Variants in LCMT1 observed in about 807,000 individuals in gnomAD.
LCMT1 encodes leucine carboxyl methyltransferase 1, also known as [Phosphatase 2A protein]-leucine-carboxy methyltransferase 1.
In LCMT1, 32 loss-of-function variants were observed where a neutral mutation model predicts 47.7. The ratio of observed to expected loss-of-function variants is 0.67; its 90% CI spans 0.51 to 0.90. The LOEUF (loss-of-function observed/expected upper bound fraction) is 0.90. LCMT1 is among the 40% of genes least tolerant of loss of function. The probability of loss-of-function intolerance (pLI) is 0.00; values close to 1 mark genes in which losing one functional copy is unlikely to be tolerated. For synonymous variants in LCMT1, 152 were observed against 149.7 expected (o/e 1.02, Z -0.11); for missense variants, 375 against 415.2 (o/e 0.90, Z 0.84).
At chr16:25,171,271 G>A (rs929836845) in intron 9 of LCMT1, among the ~76,000 whole-genome samples, 23 of 151,756 alleles carry the variant, frequency 1.5e-4, no homozygotes, top group African/African-American at 4.1e-4. Context: ...AAAATTAGCC[G>A]GGTGTGGTGG....
intron 5 of LCMT1, chr16:25,158,901 T>C (rs1471258505): frequency 6.6e-6 from 1 of 152,222 alleles, no homozygotes; most frequent in Non-Finnish European, 1.5e-5. Flanking sequence ...TGTCCAGTGC[T>C]TCCCATGTGG....
At chr16:25,160,897 G>A (rs1457280809) in intron 5 of LCMT1, 1 of 637,982 alleles carries the variant, frequency 1.6e-6, no homozygotes, top group Non-Finnish European at 2.9e-6. Context: ...TAAGCACATA[G>A]GACAAAAGGC....
chr16:25,158,271 C>T (rs1411159519), intron 5 of LCMT1, among the ~76,000 whole-genome samples: 1 of 152,234 alleles, frequency 6.6e-6, no homozygotes, highest in Non-Finnish European at 1.5e-5. Context: ...CATGCCTCAG[C>T]CTCTCAAGTA....
intron 1 of LCMT1, 40 bp from the exon 2 acceptor site, chr16:25,128,435 T>C: frequency 6.8e-7 from 1 of 1,474,064 alleles, no homozygotes; most frequent in Non-Finnish European, 9.3e-7. Context: ...CTGAACCTAC[T>C]CAATCTCTAC....
intron 3 of LCMT1, among the ~76,000 whole-genome samples, chr16:25,135,856 C>G (rs555664953): frequency 2.6e-5 from 4 of 151,908 alleles, no homozygotes; most frequent in Non-Finnish European, 2.9e-5. Context: ...TTTGGGATGC[C>G]GAGGTGGTTG....
intron 1 of LCMT1, among the ~76,000 whole-genome samples, chr16:25,113,837 C>T (rs1207538173): frequency 1.3e-5 from 2 of 152,164 alleles, no homozygotes; most frequent in Non-Finnish European, 1.5e-5. Context: ...GGCTTCACCA[C>T]GTTGGCCAGG....
chr16:25,151,956 C>T (rs1475390666), intron 5 of LCMT1, among the ~76,000 whole-genome samples: 1 of 152,094 alleles, frequency 6.6e-6, no homozygotes, highest in Non-Finnish European at 1.5e-5. Context: ...TAGGAGTCAT[C>T]ATGAATATTT....
intron 1 of LCMT1, among the ~76,000 whole-genome samples, chr16:25,114,375 C>T (rs1038577105): frequency 2.6e-5 from 4 of 152,178 alleles, no homozygotes; most frequent in Non-Finnish European, 5.9e-5. Flanking sequence ...CCACCCCCCT[C>T]ATTGTCATCA....
chr16:25,170,876 T>C (rs1429002535), intron 9 of LCMT1, 71 bp downstream of exon 9: 14 of 985,296 alleles, frequency 1.4e-5, no homozygotes, highest in Admixed American at 2.2e-5. Context: ...CTGTATTCTT[T>C]CATGCAGAAA....
intron 9 of LCMT1, 38 bp from the exon 10 acceptor site, chr16:25,174,899 C>A: frequency 9.2e-7 from 1 of 1,086,822 alleles, no homozygotes; most frequent in Non-Finnish European, 1.3e-6. Flanking sequence ...ATTTTCAATG[C>A]AGACACTTGC....
At chr16:25,136,909 T>C (rs1030093449) in intron 3 of LCMT1, among the ~76,000 whole-genome samples, 2 of 152,094 alleles carry the variant, frequency 1.3e-5, no homozygotes, top group Non-Finnish European at 2.9e-5. Flanking sequence ...TATTCAGAAG[T>C]TTTACAAGGT....
At chr16:25,166,695 C>T (rs1234432737) in intron 7 of LCMT1, among the ~76,000 whole-genome samples, 1 of 152,178 alleles carries the variant, frequency 6.6e-6, no homozygotes, top group Non-Finnish European at 1.5e-5. Context: ...TGCCCAGTGT[C>T]ACGTAATTAT....
intron 5 of LCMT1, among the ~76,000 whole-genome samples, chr16:25,156,551 A>G (rs191559790): frequency 2.9e-4 from 44 of 152,324 alleles, no homozygotes; most frequent in Admixed American, 2.6e-3. Context: ...CCTACTACCT[A>G]GGGAACAGAT....
intron 4 of LCMT1, 27 bp downstream of exon 4, chr16:25,140,274 A>G (rs776140790): frequency 2.6e-6 from 4 of 1,511,180 alleles, no homozygotes; most frequent in African/African-American, 2.7e-5. Flanking sequence ...CAGAAGAACA[A>G]AAGCCAGCGA....
intron 9 of LCMT1, among the ~76,000 whole-genome samples, chr16:25,172,326 G>T (rs1597607845): frequency 6.7e-6 from 1 of 149,498 alleles, no homozygotes; most frequent in Non-Finnish European, 1.5e-5. Context: ...AAAAAAATAG[G>T]GTACATAGTA....
chr16:25,159,531 G>T (rs1264482350), intron 5 of LCMT1, among the ~76,000 whole-genome samples: 2 of 152,206 alleles, frequency 1.3e-5, no homozygotes, highest in African/African-American at 4.8e-5. Context: ...CTCCCAAGTT[G>T]TTGGGATTAT....
At chr16:25,120,618 C>T (rs1357177242) in intron 1 of LCMT1, among the ~76,000 whole-genome samples, 5 of 151,762 alleles carry the variant, frequency 3.3e-5, no homozygotes, top group South Asian at 2.1e-4. Context: ...TTAGTAGAGA[C>T]GGGGTTTCAC....
At chr16:25,149,718 A>C (rs370549581) in intron 4 of LCMT1, among the ~76,000 whole-genome samples, 2 of 152,184 alleles carry the variant, frequency 1.3e-5, no homozygotes, top group East Asian at 3.9e-4. Context: ...GTTCGAGACC[A>C]GCCCAGGCAA....
At chr16:25,154,197 A>G (rs1451434585) in intron 5 of LCMT1, among the ~76,000 whole-genome samples, 1 of 151,218 alleles carries the variant, frequency 6.6e-6, no homozygotes, top group Non-Finnish European at 1.5e-5. Flanking sequence ...TATTTTTAGT[A>G]GAGACAGGGT....
Sources: allele counts gnomAD v4.1 joint callset (sites outside exome capture counted in the v4.1 genomes callset), GRCh38; gene constraint gnomAD v4.1.1; transcripts MANE v1.5; gene names NCBI Gene and HGNC (gene_info 2026-07-23, HGNC 2026-07-21).